Variants in RPP25 observed in about 807,000 individuals in gnomAD.
The protein encoded by RPP25 is ribonuclease P/MRP subunit p25, also known as ribonuclease P protein subunit p25.
In RPP25, 2 loss-of-function variants were observed where a neutral mutation model predicts 4.4. The observed-to-expected ratio is 0.45, with a 90% CI of 0.19 to 1.43. RPP25 has a LOEUF of 1.43. RPP25 is among the 40% of genes most tolerant of loss of function. The probability of loss-of-function intolerance (pLI) is 0.26; values close to 1 mark genes in which losing one functional copy is unlikely to be tolerated. For missense variants in RPP25, 319 were observed against 293.8 expected (o/e 1.09, Z -0.63); for synonymous variants, 144 against 136.2 (o/e 1.06, Z -0.40).
rs888919794 is a variant in RPP25 at position 74,956,453 on chromosome 15, C to A, written c.131G>T (p.Ser44Ile). Reference protein sequence around the residue: ...GAVHMRVKEGSKIRNLMAFAT... With the variant: ...GAVHMRVKEGIKIRNLMAFAT... ...GAAGGCCATCAGGTTCCGGATCTTG[C>A]TGCCTTCCTTGACCCGCATGTGCAC... The change falls in exon 1 of 1, where the codon AGC becomes ATC. Residue 44 changes from serine (S) to isoleucine (I), a missense_variant. Ser to Ile is a moderately radical substitution (Grantham distance 142, BLOSUM62 -2). Transcript: ENST00000322177. 2.5e-6 allele frequency: 4 copies of A among 1,579,560 alleles called. No individual in the cohort carries two copies. The highest frequency in any genetic ancestry group is 3.4e-6 in the Non-Finnish European group (4 of 1,165,928).
rs1298390533 is a variant in RPP25 at position 74,956,427 on chromosome 15, C to G, written c.157G>C (p.Ala53Pro). The G allele has an allele frequency of 3.1e-6, 5 of 1,595,290 alleles. No homozygotes were observed. The South Asian group carries it at 5.6e-5, about 18-fold the overall frequency. The change falls in exon 1 of 1, where the codon GCC (alanine) becomes CCC (proline). Residue 53 changes from alanine to proline, a missense_variant. Transcript: ENST00000322177. ...GCTGGCTGCGCCATGCTGGCGGTGG[C>G]GAAGGCCATCAGGTTCCGGATCTTG... Reference protein sequence around the residue: ...GSKIRNLMAFATASMAQPATR... With the variant: ...GSKIRNLMAFPTASMAQPATR...
In RPP25 at chr15:74,956,500, G is replaced by C; in HGVS notation, c.84C>G (p.Phe28Leu). The C allele has an allele frequency of 1.3e-6, 2 of 1,541,502 alleles. No individual in the cohort carries two copies. The highest frequency in any genetic ancestry group is 1.7e-6 in the Non-Finnish European group (2 of 1,147,084). The change falls in exon 1 of 1, where the codon TTC (phenylalanine) becomes TTG (leucine). Residue 28 changes from phenylalanine to leucine, a missense_variant. Coordinates refer to ENST00000322177, the MANE Select transcript of RPP25 (RefSeq NM_017793.3). ...AEGGGPGSGPFADLAPGAVHM... is the reference protein window; with the variant it reads ...AEGGGPGSGPLADLAPGAVHM... ...GCACCGCGCCCGGCGCCAGGTCTGC[G>C]AAGGGGCCGGAGCCCGGGCCGCCTC...
Position 74,955,877 on chromosome 15 carries a change from A to G in RPP25, c.*107T>C, listed in dbSNP as rs2065466280. 1 of 1,455,058 alleles carries G rather than the reference A, an allele frequency of 6.9e-7. No individual in the cohort carries two copies. Among genetic ancestry groups the G allele is most frequent in the South Asian group, 1.3e-5 (1 of 76,668 alleles). 90.1% of individuals were successfully genotyped at this position (1,455,058 alleles called of 1,614,324 possible). The stretch of plus-strand genomic sequence containing the variant: ...CTACCTGTCTTGAGGAGCTGTGTCC[A>G]GGTTGTGGGCTCCGGAGGACCGAGG... On this transcript the variant is annotated 3_prime_UTR_variant, in exon 1 of 1. Transcript: ENST00000322177.
In RPP25 at chr15:74,956,305, C is replaced by T. The variant is rs774815906; in HGVS notation, c.279G>A (p.Gln93=). The change falls in exon 1 of 1, where the codon CAG becomes CAA. Residue 93 remains glutamine (Q), a synonymous_variant. Coordinates refer to ENST00000322177, the MANE Select transcript of RPP25 (RefSeq NM_017793.3). ...CGCTCCGGTAGCGCAGCCGCGTGAC[C>T]TGGTGCAGGCCCGCCAGGCGGCGCT... ...ILKRRLAGLH[Q]VTRLRYRSVR... 2 of 1,601,034 alleles carry T rather than the reference C, an allele frequency of 1.2e-6. No homozygotes were observed. The highest frequency in any genetic ancestry group is 2.2e-5 in the South Asian group (2 of 90,434).
At position 74,956,066 on chromosome 15, in the gene RPP25, A is replaced by G; in HGVS notation, c.518T>C (p.Leu173Pro). The change falls in exon 1 of 1, where the codon CTA becomes CCA. Residue 173 changes from leucine (L) to proline (P), a missense_variant. Leu to Pro is a moderately conservative substitution (Grantham distance 98). Transcript: ENST00000322177. ...PPAAPASKRS[L>P]GEPAAGEGSA... ...GCCTTCTCCAGCTGCGGGTTCCCCT[A>G]GGCTCCTCTTGGACGCTGGCGCGGC... 1.2e-6 allele frequency: 2 copies of G among 1,611,200 alleles called. No homozygotes were observed. The highest frequency in any genetic ancestry group is 8.5e-7 in the Non-Finnish European group (1 of 1,179,356).
Position 74,955,858 on chromosome 15 carries a change from G to T in RPP25, c.*126C>A. On this transcript the variant is annotated 3_prime_UTR_variant, in exon 1 of 1. Coordinates refer to ENST00000322177, the MANE Select transcript of RPP25 (RefSeq NM_017793.3). ...TGTCGCCTTAAGGTCCATGCTACCT[G>T]TCTTGAGGAGCTGTGTCCAGGTTGT... The T allele has an allele frequency of 7.4e-7, 1 of 1,348,794 alleles. No individual in the cohort carries two copies. Among genetic ancestry groups the T allele is most frequent in the Non-Finnish European group, 1.0e-6 (1 of 998,306 alleles). The allele number at this position is 1,348,794 out of a possible 1,614,324, so 83.6% of individuals were successfully genotyped here.
In RPP25 at chr15:74,956,496, C is replaced by G; in HGVS notation, c.88G>C (p.Asp30His). 6.5e-7 allele frequency: 1 copy of G among 1,544,772 alleles called. No homozygotes were observed. The highest frequency in any genetic ancestry group is 8.7e-7 in the Non-Finnish European group (1 of 1,148,510). The change falls in exon 1 of 1, where the codon GAC (aspartate) becomes CAC (histidine). Residue 30 changes from aspartate (D) to histidine (H), a missense_variant. Physicochemically the swap from Asp to His is moderately conservative, Grantham distance 81. Coordinates refer to ENST00000322177, the MANE Select transcript of RPP25 (RefSeq NM_017793.3). ...ATGTGCACCGCGCCCGGCGCCAGGT[C>G]TGCGAAGGGGCCGGAGCCCGGGCCG... ...GGGPGSGPFA[D>H]LAPGAVHMRV...
Position 74,955,985 on chromosome 15 carries a change from C to G in RPP25, c.599G>C (p.Ter200SerextTer8). Reference protein sequence around the residue: ...PGVADEDQTA* With the variant: ...PGVADEDQTAS ...CTAGGTGGCCCACAGTCCGGAGTTT[C>G]AGGCCGTCTGATCCTCGTCCGCAAC... The change falls in exon 1 of 1, where the codon TGA (stop) becomes TCA (serine). Residue 200 changes from the stop codon to serine, a stop_lost. Transcript: ENST00000322177. 1 of 1,612,744 alleles carries G rather than the reference C, an allele frequency of 6.2e-7. No homozygotes were observed. Among genetic ancestry groups the G allele is most frequent in the Non-Finnish European group, 8.5e-7 (1 of 1,179,884 alleles).
In RPP25 at chr15:74,956,760, C is replaced by G. The variant is rs541470633; in HGVS notation, c.-177G>C. 4.7e-4 allele frequency: 327 copies of G among 700,138 alleles called. 3 individuals are homozygous for G. In the Admixed American group the frequency reaches 0.011, roughly 23 times the overall value. 43.4% of individuals were successfully genotyped at this position (700,138 alleles called of 1,614,324 possible). ...GGCCCCACTTCTCTCGAGCGGGCGC[C>G]GCTCTACTCAGCGCTCTCGGCGCCG... On this transcript the variant is annotated 5_prime_UTR_variant, in exon 1 of 1. Coordinates refer to ENST00000322177, the MANE Select transcript of RPP25 (RefSeq NM_017793.3).
chr15:74,956,238 C>T lies in RPP25; in HGVS notation c.346G>A (p.Gly116Ser). 2 of 1,571,068 alleles carry T rather than the reference C, an allele frequency of 1.3e-6. No homozygotes were observed. Among genetic ancestry groups the T allele is most frequent in the Admixed American group, 3.8e-5 (2 of 53,146 alleles). Residue 116 changes from glycine to serine, a missense_variant, in exon 1 of 1, where the codon GGT becomes AGT. Gly to Ser is a moderately conservative substitution (Grantham distance 56, BLOSUM62 0). Coordinates refer to ENST00000322177, the MANE Select transcript of RPP25 (RefSeq NM_017793.3). ...WQSLPPGPTQ[G>S]QTPGEPAASL... The stretch of plus-strand genomic sequence containing the variant: ...GCGGCCGGCTCGCCAGGCGTCTGAC[C>T]CTGCGTGGGCCCAGGCGGGAGGCTC...
In RPP25 at chr15:74,956,748, T is replaced by A; in HGVS notation, c.-165A>T. 1.3e-6 allele frequency: 1 copy of A among 780,038 alleles called. No homozygotes were observed. Among genetic ancestry groups the A allele is most frequent in the Non-Finnish European group, 1.8e-6 (1 of 563,012 alleles). 48.3% of individuals were successfully genotyped at this position (780,038 alleles called of 1,614,324 possible). On this transcript the variant is annotated 5_prime_UTR_variant, in exon 1 of 1. Transcript: ENST00000322177. ...CGGCGCGATCTCGGCCCCACTTCTC[T>A]CGAGCGGGCGCCGCTCTACTCAGCG...
In RPP25 at chr15:74,956,650, C is replaced by T; in HGVS notation, c.-67G>A. On this transcript the variant is annotated 5_prime_UTR_variant, in exon 1 of 1. Transcript: ENST00000322177. Reference sequence around the variant, plus strand: ...CCTCAGCCCCGGGGCTGCATGGCCGCCGGTCGCGCCTTGCAAGGGCCAGCA... The same window carrying T: ...CCTCAGCCCCGGGGCTGCATGGCCGTCGGTCGCGCCTTGCAAGGGCCAGCA... 1 of 1,374,530 alleles carries T rather than the reference C, an allele frequency of 7.3e-7. No homozygotes were observed. Among genetic ancestry groups the T allele is most frequent in the African/African-American group, 1.5e-5 (1 of 65,030 alleles). 85.1% of individuals were successfully genotyped at this position (1,374,530 alleles called of 1,614,324 possible).
rs901783931 is a variant in RPP25 at position 74,956,476 on chromosome 15, C to T, written c.108G>A (p.Val36=). ...GPFADLAPGA[V]HMRVKEGSKI... The stretch of plus-strand genomic sequence containing the variant: ...TGCTGCCTTCCTTGACCCGCATGTG[C>T]ACCGCGCCCGGCGCCAGGTCTGCGA... Residue 36 remains valine, a synonymous_variant, in exon 1 of 1, where the codon GTG becomes GTA. Coordinates refer to ENST00000322177, the MANE Select transcript of RPP25 (RefSeq NM_017793.3). 1.9e-6 allele frequency: 3 copies of T among 1,556,200 alleles called. No individual in the cohort carries two copies. Among genetic ancestry groups the T allele is most frequent in the Non-Finnish European group, 2.6e-6 (3 of 1,154,050 alleles).
Position 74,955,870 on chromosome 15 carries a change from TG to T in RPP25, c.*113del. On this transcript the variant is annotated 3_prime_UTR_variant, in exon 1 of 1. Transcript: ENST00000322177. ...GTCCATGCTACCTGTCTTGAGGAGC[TG>T]TGTCCAGGTTGTGGGCTCCGGAGGA... is the stretch of plus-strand genomic sequence containing the variant. The T allele has an allele frequency of 7.1e-7, 1 of 1,411,096 alleles. No homozygotes were observed. Among genetic ancestry groups the T allele is most frequent in the African/African-American group, 1.4e-5 (1 of 70,420 alleles). 87.4% of individuals were successfully genotyped at this position (1,411,096 alleles called of 1,614,324 possible). A position where few individuals can be genotyped will look rare whatever the true frequency, so the allele number is the denominator to read the frequency against.
chr15:74,956,508 C>G lies in RPP25; in HGVS notation c.76G>C (p.Gly26Arg), dbSNP rs747843083. 1.2e-5 allele frequency: 19 copies of G among 1,536,016 alleles called. No homozygotes were observed. In the Admixed American group the frequency reaches 2.4e-4, roughly 19 times the overall value. Residue 26 changes from glycine (G) to arginine (R), a missense_variant, in exon 1 of 1, where the codon GGC becomes CGC. Physicochemically the swap from Gly to Arg is moderately radical, Grantham distance 125 (BLOSUM62 -2). Coordinates refer to ENST00000322177, the MANE Select transcript of RPP25 (RefSeq NM_017793.3). ...CCCGGCGCCAGGTCTGCGAAGGGGCCGGAGCCCGGGCCGCCTCCCTCGGCC... is the reference window on the plus strand; with the variant it reads ...CCCGGCGCCAGGTCTGCGAAGGGGCGGGAGCCCGGGCCGCCTCCCTCGGCC... ...CGAEGGGPGSGPFADLAPGAV... is the reference protein window; with the variant it reads ...CGAEGGGPGSRPFADLAPGAV...
At position 74,955,656 on chromosome 15, in the gene RPP25, T is replaced by C. The variant is rs536779041; in HGVS notation, c.*328A>G. ...CGTGAATGCTGGGTGGCTTTAACCC[T>C]TGGGGGTCCCAAACAAGTTTCCAGA... On this transcript the variant is annotated 3_prime_UTR_variant, in exon 1 of 1. Coordinates refer to ENST00000322177, the MANE Select transcript of RPP25 (RefSeq NM_017793.3). 4 of 383,686 alleles carry C rather than the reference T, an allele frequency of 1.0e-5. No homozygotes were observed. Among genetic ancestry groups the C allele is most frequent in the Non-Finnish European group, 1.4e-5 (3 of 210,470 alleles). The allele number at this position is 383,686 out of a possible 1,614,324, so 23.8% of individuals were successfully genotyped here.
chr15:74,954,814 T>G lies in RPP25; in HGVS notation c.*1170A>C, dbSNP rs2065460562. Reference sequence around the variant, plus strand: ...TTTCCCAAGGGTGTGCTGTCCTTTCTCAGAGAGAGGGCAGTGAAGGGGAGA... The same window carrying G: ...TTTCCCAAGGGTGTGCTGTCCTTTCGCAGAGAGAGGGCAGTGAAGGGGAGA... On this transcript the variant is annotated 3_prime_UTR_variant, in exon 1 of 1. Coordinates refer to ENST00000322177, the MANE Select transcript of RPP25 (RefSeq NM_017793.3). 6.6e-6 allele frequency: 1 copy of G among 152,224 alleles called. No individual in the cohort carries two copies. Among genetic ancestry groups the G allele is most frequent in the Non-Finnish European group, 1.5e-5 (1 of 68,078 alleles). 9.4% of individuals were successfully genotyped at this position (152,224 alleles called of 1,614,324 possible). A position where few individuals can be genotyped will look rare whatever the true frequency, so the allele number is the denominator to read the frequency against.
rs1447850080 is a variant in RPP25, at chr15:74,954,651, T to C, written c.*1333A>G. 2 of 152,568 alleles carry C rather than the reference T, an allele frequency of 1.3e-5. No homozygotes were observed. The highest frequency in any genetic ancestry group is 1.3e-4 in the Admixed American group (2 of 15,278). 9.5% of individuals were successfully genotyped at this position (152,568 alleles called of 1,614,324 possible). On this transcript the variant is annotated 3_prime_UTR_variant, in exon 1 of 1. Coordinates refer to ENST00000322177, the MANE Select transcript of RPP25 (RefSeq NM_017793.3). ...GGCAGAGAAGCTTATGAGGCTGTTA[T>C]CTCTCAACAGACAGCTGTGCAGGGC... is the stretch of plus-strand genomic sequence containing the variant.
rs1427264786 is a variant in RPP25, at chr15:74,954,474, C to T, written c.*1510G>A. ...CTGCCAGCAAAATGACTTATAAATA[C>T]ATTCTTCCGCATCTCCCCCTTTCCA... is the stretch of plus-strand genomic sequence containing the variant. On this transcript the variant is annotated 3_prime_UTR_variant, in exon 1 of 1. Transcript: ENST00000322177. 6.6e-6 allele frequency: 1 copy of T among 152,254 alleles called. No individual in the cohort carries two copies. Among genetic ancestry groups the T allele is most frequent in the African/African-American group, 2.4e-5 (1 of 41,472 alleles). 9.4% of individuals were successfully genotyped at this position (152,254 alleles called of 1,614,324 possible).
Sources: gnomAD v4.1 joint callset for allele counts on GRCh38, gnomAD v4.1.1 for gene constraint, MANE v1.5 for transcripts, NCBI Gene and HGNC (gene_info 2026-07-23, HGNC 2026-07-21) for gene names.